EML4: variants seen among roughly 807,000 people sequenced by gnomAD.
EML4 encodes the protein echinoderm microtubule-associated protein-like 4.
A neutral mutation model predicts 129.0 loss-of-function variants in EML4; 72 were observed. That is an observed-to-expected ratio of 0.56 (90% CI 0.46 to 0.68). EML4 has a LOEUF of 0.68. Ranked by LOEUF, EML4 falls within the 30% of genes least tolerant of loss-of-function variation. EML4 has a pLI of 0.00. For synonymous variants in EML4, 532 were observed against 405.0 expected, an observed-to-expected ratio of 1.31 and a Z score of -3.77; for missense variants, 1,363 against 1,190.6, an observed-to-expected ratio of 1.14 and a Z score of -2.13.
At chr2:42,299,774 C>T (rs1009528432) in intron 13 of EML4, among the ~76,000 whole-genome samples, 6 of 152,114 alleles carry the variant, frequency 3.9e-5, no homozygotes, top group Non-Finnish European at 5.9e-5. Context: ...ACTGAACCTC[C>T]GCCTCCCAGG....
At chr2:42,274,365 A>G (rs1666537323) in intron 6 of EML4, among the ~76,000 whole-genome samples, 1 of 152,242 alleles carries the variant, frequency 6.6e-6, no homozygotes, top group South Asian at 2.1e-4. Context: ...TTCTACAGGT[A>G]GTACCCATTA....
chr2:42,279,393 C>T (rs1666873288), intron 6 of EML4, among the ~76,000 whole-genome samples: 1 of 151,524 alleles, frequency 6.6e-6, no homozygotes, highest in Non-Finnish European at 1.5e-5. Flanking sequence ...GCGACTATAC[C>T]ATTTTGCATT....
chr2:42,320,294 G>A (rs1669453320), intron 19 of EML4, among the ~76,000 whole-genome samples: 1 of 150,690 alleles, frequency 6.6e-6, no homozygotes, highest in South Asian at 2.1e-4. Flanking sequence ...TTTGACACCA[G>A]CCTGGGCAAT....
intron 2 of EML4, among the ~76,000 whole-genome samples, chr2:42,250,949 A>C (rs1002124452): frequency 2.0e-5 from 3 of 152,184 alleles, no homozygotes; most frequent in Non-Finnish European, 4.4e-5. Context: ...TCATAGGAGC[A>C]TGCAACCTAG....
chr2:42,232,414 T>G (rs915624943), intron 1 of EML4, among the ~76,000 whole-genome samples: 1 of 152,224 alleles, frequency 6.6e-6, no homozygotes, highest in South Asian at 2.1e-4. Flanking sequence ...AAGAAGAGTA[T>G]AGTTGACACC....
chr2:42,180,543 C>T (rs1022409136), intron 1 of EML4, among the ~76,000 whole-genome samples: 12 of 152,150 alleles, frequency 7.9e-5, no homozygotes, highest in African/African-American at 2.2e-4. Flanking sequence ...TTCCTGGCCT[C>T]TATAGACCTG....
intron 1 of EML4, among the ~76,000 whole-genome samples, chr2:42,219,250 G>A (rs1051588827): frequency 6.6e-6 from 1 of 152,182 alleles, no homozygotes; most frequent in African/African-American, 2.4e-5. Flanking sequence ...CCACTGATAT[G>A]TGGATTTTTT....
chr2:42,270,528 G>A (rs1254274400), intron 6 of EML4, among the ~76,000 whole-genome samples: 1 of 152,160 alleles, frequency 6.6e-6, no homozygotes, highest in Non-Finnish European at 1.5e-5. Flanking sequence ...TGACCTTTTG[G>A]CTCCAGGCAC....
intron 1 of EML4, among the ~76,000 whole-genome samples, chr2:42,227,766 A>T (rs1674066198): frequency 6.6e-6 from 1 of 152,228 alleles, no homozygotes; most frequent in Non-Finnish European, 1.5e-5. Flanking sequence ...TTTCCACTTA[A>T]TGAATAGTGA....
intron 1 of EML4, among the ~76,000 whole-genome samples, chr2:42,243,259 A>ACT (rs2104285708): frequency 1.3e-5 from 2 of 152,342 alleles, no homozygotes; most frequent in South Asian, 4.1e-4. Flanking sequence ...AAGAAGGAGA[A>ACT]TAGGAAAGAA....
chr2:42,230,032 C>T (rs1275403916), intron 1 of EML4, among the ~76,000 whole-genome samples: 2 of 151,984 alleles, frequency 1.3e-5, no homozygotes, highest in Non-Finnish European at 2.9e-5. Context: ...TTGCTTCTTC[C>T]AGATTCCCCC....
At chr2:42,175,629 G>A (rs182572157) in intron 1 of EML4, among the ~76,000 whole-genome samples, 29 of 152,168 alleles carry the variant, frequency 1.9e-4, no homozygotes, top group African/African-American at 6.7e-4. Flanking sequence ...CTCCCGAGTA[G>A]CTGAGATGAC....
rs764301610 is a variant in EML4, at chr2:42,261,306, C to G, written c.512+12C>G. 1 of 1,605,398 alleles carries G rather than the reference C, an allele frequency of 6.2e-7. No individual in the cohort carries two copies. Among genetic ancestry groups the G allele is most frequent in the Non-Finnish European group, 8.5e-7 (1 of 1,175,532 alleles). ...ACTCCCACCAAAAGGTTTTAACTGT[C>G]CCCAAGTACAGAGCTAGGGAATGGT... is the stretch of plus-strand genomic sequence containing the variant. On this transcript the variant is annotated intron_variant, in intron 4 of 22. Transcript: ENST00000318522.
chr2:42,308,437 G>A (rs1668739296), intron 17 of EML4, among the ~76,000 whole-genome samples: 1 of 152,116 alleles, frequency 6.6e-6, no homozygotes, highest in Admixed American at 6.5e-5. Flanking sequence ...TTTATCCCAG[G>A]AGGCAGAGGT....
At chr2:42,314,984 T>G (rs1418197635) in intron 17 of EML4, among the ~76,000 whole-genome samples, 1 of 152,250 alleles carries the variant, frequency 6.6e-6, no homozygotes, top group East Asian at 1.9e-4. Flanking sequence ...AAGATACCTC[T>G]TTCAAAAAAT....
intron 6 of EML4, among the ~76,000 whole-genome samples, chr2:42,268,749 GA>G (rs1666209966): frequency 6.6e-6 from 1 of 152,166 alleles, no homozygotes; most frequent in African/African-American, 2.4e-5. Context: ...ACATTTTTTA[GA>G]GATGGAAAAT....
intron 1 of EML4, among the ~76,000 whole-genome samples, chr2:42,192,351 C>T (rs1002751786): frequency 2.6e-5 from 4 of 151,450 alleles, no homozygotes; most frequent in Non-Finnish European, 5.9e-5. Context: ...GAGATTCTCC[C>T]GCCTCAGCCT....
chr2:42,217,303 C>A (rs1433083028), intron 1 of EML4, among the ~76,000 whole-genome samples: 2 of 152,010 alleles, frequency 1.3e-5, no homozygotes, highest in African/African-American at 4.8e-5. Flanking sequence ...TATACTTAAC[C>A]CATCAAGGCA....
At chr2:42,316,077 A>G in intron 18 of EML4, 27 bp downstream of exon 18, 1 of 1,510,336 alleles carries the variant, frequency 6.6e-7, no homozygotes, top group Non-Finnish European at 9.2e-7. Flanking sequence ...CCACCTCCCA[A>G]GCATGGCATT....
Sources: gnomAD v4.1 joint callset for allele counts (sites outside exome capture counted in the v4.1 genomes callset) on GRCh38, gnomAD v4.1.1 for gene constraint, MANE v1.5 for transcripts, NCBI Gene and HGNC (gene_info 2026-07-23, HGNC 2026-07-21) for gene names.